The following KCND2 variants were observed in gnomAD, a reference collection of about 807,000 sequenced individuals.
KCND2 encodes the protein potassium voltage-gated channel subfamily D member 2.
In KCND2, 16 loss-of-function variants were observed where a neutral mutation model predicts 54.4. That is an observed-to-expected ratio of 0.29 (90% CI 0.20 to 0.45). The LOEUF (loss-of-function observed/expected upper bound fraction) is 0.45, where lower values mean the gene tolerates loss of function less well. KCND2 is among the 20% of genes least tolerant of loss of function. The pLI, the probability that KCND2 is intolerant of heterozygous loss-of-function variation, is 1.00. For synonymous variants in KCND2, 317 were observed against 310.7 expected, an observed-to-expected ratio of 1.02 and a Z score of -0.21; for missense variants, 486 against 824.2, an observed-to-expected ratio of 0.59 and a Z score of 5.02.
rs371307112 is a variant in KCND2 at position 120,294,502 on chromosome 7, C to A, written c.1115+18755C>A. On this transcript the variant is annotated intron_variant, in intron 1 of 5. Transcript: ENST00000331113. The stretch of plus-strand genomic sequence containing the variant: ...TATCTCATTTATAAAATCACTAGAT[C>A]TGATTAATGCCGTATAATATAAAAA... 1.1e-4 allele frequency among the ~76,000 whole-genome samples: 17 copies of A among 151,692 alleles called. No homozygotes were observed. In the East Asian group the frequency reaches 2.5e-3, roughly 22 times the overall value.
chr7:120,386,256 A>G (rs1800986292), intron 1 of KCND2, among the ~76,000 whole-genome samples: 1 of 152,076 alleles, frequency 6.6e-6, no homozygotes, highest in South Asian at 2.1e-4. Flanking sequence ...ATTTATTTTT[A>G]TTTTTCTCCC....
chr7:120,745,736 A>C lies in KCND2; in HGVS notation c.1468-44A>C. On this transcript the variant is annotated intron_variant, in intron 4 of 5. Transcript: ENST00000331113. ...TAAAGCTATGTATTTCGTTTTTAAA[A>C]ATGTGCTTCTCTGTTTCTTCATTTA... is the stretch of plus-strand genomic sequence containing the variant. 1.9e-6 allele frequency: 3 copies of C among 1,610,940 alleles called. No individual in the cohort carries two copies. The African/African-American group carries it at 4.0e-5, about 21-fold the overall frequency.
intron 1 of KCND2, among the ~76,000 whole-genome samples, chr7:120,497,885 CT>C (rs1802873484): frequency 6.6e-6 from 1 of 152,136 alleles, no homozygotes; most frequent in African/African-American, 2.4e-5. Context: ...AGGTGTTTTA[CT>C]TTTGTGGAAG....
intron 1 of KCND2, among the ~76,000 whole-genome samples, chr7:120,728,083 G>A (rs532368053): frequency 1.1e-3 from 160 of 144,472 alleles, no homozygotes; most frequent in African/African-American, 4.0e-3. Flanking sequence ...GCAGTGAGCC[G>A]AGATGGCACC....
At chr7:120,413,820 A>T (rs1278111774) in intron 1 of KCND2, among the ~76,000 whole-genome samples, 1 of 150,156 alleles carries the variant, frequency 6.7e-6, no homozygotes, top group Non-Finnish European at 1.5e-5. Flanking sequence ...CTTACTAGGA[A>T]TTTTTTTTTT....
chr7:120,369,153 G>C (rs1800728902), intron 1 of KCND2, among the ~76,000 whole-genome samples: 1 of 151,680 alleles, frequency 6.6e-6, no homozygotes, highest in South Asian at 2.1e-4. Flanking sequence ...TAAATAGAAA[G>C]TTTTGACAAG....
chr7:120,617,970 A>G (rs1464653846), intron 1 of KCND2, among the ~76,000 whole-genome samples: 1 of 152,154 alleles, frequency 6.6e-6, no homozygotes, highest in African/African-American at 2.4e-5. Context: ...GAGTACACGT[A>G]AATACAAAGA....
intron 1 of KCND2, among the ~76,000 whole-genome samples, chr7:120,279,892 T>C (rs1799237807): frequency 1.3e-5 from 2 of 151,970 alleles, no homozygotes; most frequent in South Asian, 4.1e-4. Flanking sequence ...ATTCTCCTGA[T>C]ACCTGTCAGT....
chr7:120,736,936 T>C (rs1291762422), intron 2 of KCND2, among the ~76,000 whole-genome samples: 1 of 151,446 alleles, frequency 6.6e-6, no homozygotes, highest in African/African-American at 2.4e-5. Flanking sequence ...AAATTTCACA[T>C]TGACTTAGAA....
At chr7:120,429,983 C>T (rs1418668732) in intron 1 of KCND2, among the ~76,000 whole-genome samples, 1 of 152,186 alleles carries the variant, frequency 6.6e-6, no homozygotes, top group East Asian at 1.9e-4. Flanking sequence ...AAAATCCATT[C>T]AAAGAGAATG....
intron 1 of KCND2, among the ~76,000 whole-genome samples, chr7:120,472,109 G>A (rs1053083498): frequency 3.3e-5 from 5 of 151,146 alleles, no homozygotes; most frequent in Non-Finnish European, 7.4e-5. Context: ...GGTTACCTAA[G>A]GTTATATAGT....
At chr7:120,526,098 C>A (rs1305316880) in intron 1 of KCND2, among the ~76,000 whole-genome samples, 1 of 152,106 alleles carries the variant, frequency 6.6e-6, no homozygotes, top group African/African-American at 2.4e-5. Flanking sequence ...TGACCCAATG[C>A]CCTCTCCCCA....
At chr7:120,573,645 A>T (rs1792393003) in intron 1 of KCND2, among the ~76,000 whole-genome samples, 1 of 152,204 alleles carries the variant, frequency 6.6e-6, no homozygotes, top group Non-Finnish European at 1.5e-5. Flanking sequence ...AATTGGAAGG[A>T]TATTTCATTC....
At chr7:120,297,071 C>T (rs527267883) in intron 1 of KCND2, among the ~76,000 whole-genome samples, 14 of 151,968 alleles carry the variant, frequency 9.2e-5, no homozygotes, top group Non-Finnish European at 1.3e-4. Context: ...TTTTGTTACA[C>T]GGATATATTG....
At chr7:120,640,776 C>T (rs1336263933) in intron 1 of KCND2, among the ~76,000 whole-genome samples, 1 of 152,178 alleles carries the variant, frequency 6.6e-6, no homozygotes, top group Non-Finnish European at 1.5e-5. Context: ...TAAGCAGTGA[C>T]ACTTTGAAGT....
chr7:120,495,553 A>G (rs1332631094), intron 1 of KCND2, among the ~76,000 whole-genome samples: 5 of 152,222 alleles, frequency 3.3e-5, no homozygotes, highest in African/African-American at 1.2e-4. Context: ...TTTTAATGCC[A>G]TTAACTTTTC....
intron 1 of KCND2, among the ~76,000 whole-genome samples, chr7:120,299,143 A>G (rs191568605): frequency 9.9e-4 from 150 of 152,262 alleles, no homozygotes; most frequent in Non-Finnish European, 1.6e-3. Context: ...CTGGGCAATA[A>G]GAGCGAAACT....
intron 1 of KCND2, among the ~76,000 whole-genome samples, chr7:120,701,956 A>G (rs1302852081): frequency 1.3e-5 from 2 of 152,238 alleles, no homozygotes; most frequent in Non-Finnish European, 2.9e-5. Flanking sequence ...AAATTGACAA[A>G]TAAGATTTAA....
intron 1 of KCND2, among the ~76,000 whole-genome samples, chr7:120,369,476 A>T (rs756352523): frequency 1.3e-5 from 2 of 152,014 alleles, no homozygotes; most frequent in Non-Finnish European, 2.9e-5. Flanking sequence ...ATTAAATATT[A>T]AAGTACAGAT....
Sources: gnomAD v4.1 joint callset for allele counts (sites outside exome capture counted in the v4.1 genomes callset) on GRCh38, gnomAD v4.1.1 for gene constraint, MANE v1.5 for transcripts, NCBI Gene and HGNC (gene_info 2026-07-23, HGNC 2026-07-21) for gene names.